SOX6: variants seen among roughly 807,000 people sequenced by gnomAD.
SOX6 encodes the protein transcription factor SOX-6.
Under a neutral mutation model 97.8 loss-of-function variants are expected in SOX6, and 11 were observed. The observed-to-expected ratio is 0.11, with a 90% CI of 0.07 to 0.19. SOX6 has a LOEUF of 0.19. Ranked by LOEUF, SOX6 falls within the 10% of genes least tolerant of loss-of-function variation. The pLI is 1.00. For missense variants in SOX6, 810 were observed against 1,039.5 expected, an observed-to-expected ratio of 0.78 and a Z score of 3.04; for synonymous variants, 360 against 371.4, an observed-to-expected ratio of 0.97 and a Z score of 0.35.
chr11:16,541,971 C>G (rs574265587), intron 4 of SOX6, among the ~76,000 whole-genome samples: 1 of 152,244 alleles, frequency 6.6e-6, no homozygotes, highest in Admixed American at 6.5e-5. Flanking sequence ...TGGGTATATA[C>G]CCAAAGGATT....
chr11:16,192,282 C>A (rs1240836915), intron 4 of SOX6, among the ~76,000 whole-genome samples: 2 of 152,108 alleles, frequency 1.3e-5, no homozygotes, highest in African/African-American at 2.4e-5. Flanking sequence ...ATTTTATTAA[C>A]CTTTGGCTCT....
At chr11:16,486,113 T>C (rs549987271) in intron 4 of SOX6, among the ~76,000 whole-genome samples, 1 of 151,942 alleles carries the variant, frequency 6.6e-6, no homozygotes, top group East Asian at 1.9e-4. Context: ...CCAAAAACTA[T>C]TTACAGAATT....
At chr11:16,176,993 T>C (rs1280324186) in intron 6 of SOX6, among the ~76,000 whole-genome samples, 2 of 151,890 alleles carry the variant, frequency 1.3e-5, no homozygotes, top group Non-Finnish European at 2.9e-5. Context: ...TTATATATCA[T>C]AGATCAGCAA....
At chr11:16,502,291 A>G (rs1860720588) in intron 4 of SOX6, among the ~76,000 whole-genome samples, 1 of 152,188 alleles carries the variant, frequency 6.6e-6, no homozygotes, top group African/African-American at 2.4e-5. Context: ...GAAGTGGAAC[A>G]TCACACACTG....
At chr11:15,993,854 C>G (rs1854135330) in intron 13 of SOX6, among the ~76,000 whole-genome samples, 1 of 152,184 alleles carries the variant, frequency 6.6e-6, no homozygotes, top group Non-Finnish European at 1.5e-5. Context: ...GTTTCACCAT[C>G]ATAGCCTCTG....
intron 4 of SOX6, among the ~76,000 whole-genome samples, chr11:16,503,633 G>T (rs571472160): frequency 6.6e-6 from 1 of 152,270 alleles, no homozygotes; most frequent in East Asian, 1.9e-4. Flanking sequence ...AAGTCAGCAG[G>T]AGTAGCTATA....
At chr11:16,190,511 G>A (rs1175279654) in intron 4 of SOX6, among the ~76,000 whole-genome samples, 1 of 152,176 alleles carries the variant, frequency 6.6e-6, no homozygotes, top group Non-Finnish European at 1.5e-5. Context: ...GTAATCCACA[G>A]ATGATATGAA....
intron 1 of SOX6, among the ~76,000 whole-genome samples, chr11:16,351,780 G>T (rs1209132416): frequency 6.6e-6 from 1 of 152,020 alleles, no homozygotes; most frequent in Non-Finnish European, 1.5e-5. Context: ...AGATCTGTGA[G>T]AAATTACTTT....
upstream of SOX6, among the ~76,000 whole-genome samples, chr11:16,361,357 T>TA (rs1228811804): frequency 2.6e-5 from 4 of 151,860 alleles, no homozygotes; most frequent in African/African-American, 7.3e-5. Flanking sequence ...TCTCACGTCT[T>TA]AAAAAAAATT....
At chr11:16,149,270 G>T (rs1429338428) in intron 6 of SOX6, among the ~76,000 whole-genome samples, 3 of 152,050 alleles carry the variant, frequency 2.0e-5, no homozygotes, top group African/African-American at 7.2e-5. Flanking sequence ...GTTATTTGCT[G>T]ATTTTCCTAG....
At chr11:16,704,427 A>G (rs1336832958) in intron 3 of SOX6, among the ~76,000 whole-genome samples, 1 of 152,214 alleles carries the variant, frequency 6.6e-6, no homozygotes, top group African/African-American at 2.4e-5. Context: ...ATTAAAAAAA[A>G]AAGTATGTAA....
At chr11:16,518,216 A>G (rs1861004114) in intron 4 of SOX6, among the ~76,000 whole-genome samples, 2 of 152,140 alleles carry the variant, frequency 1.3e-5, no homozygotes, top group Admixed American at 6.6e-5. Flanking sequence ...GCCAAATAAG[A>G]TTGTTCACTG....
intron 7 of SOX6, among the ~76,000 whole-genome samples, chr11:16,103,262 A>G (rs1035640016): frequency 6.6e-6 from 1 of 152,014 alleles, no homozygotes; most frequent in African/African-American, 2.4e-5. Flanking sequence ...GCCAATGATC[A>G]TATAAAAAAA....
intron 6 of SOX6, among the ~76,000 whole-genome samples, chr11:16,140,520 G>C (rs980521265): frequency 6.6e-6 from 1 of 152,072 alleles, no homozygotes; most frequent in African/African-American, 2.4e-5. Context: ...GTCAAATGGT[G>C]ATAAAATCCA....
chr11:16,662,900 C>T (rs915406571), intron 3 of SOX6, among the ~76,000 whole-genome samples: 4 of 152,086 alleles, frequency 2.6e-5, no homozygotes, highest in African/African-American at 9.7e-5. Context: ...CTATGTTTCC[C>T]AGGCTGCTTG....
chr11:16,512,783 T>G (rs1041164891), intron 4 of SOX6, among the ~76,000 whole-genome samples: 14 of 152,170 alleles, frequency 9.2e-5, no homozygotes, highest in Non-Finnish European at 1.9e-4. Context: ...TGCTTGATCA[T>G]GAATGTAAAA....
intron 1 of SOX6, among the ~76,000 whole-genome samples, chr11:16,429,703 G>C (rs1329464826): frequency 6.6e-6 from 1 of 151,900 alleles, no homozygotes; most frequent in Admixed American, 6.6e-5. Context: ...GAAGGGAGAG[G>C]ATCAGGAAAA....
At chr11:16,119,628 G>C (rs1849439645) in intron 6 of SOX6, among the ~76,000 whole-genome samples, 1 of 152,148 alleles carries the variant, frequency 6.6e-6, no homozygotes, top group African/African-American at 2.4e-5. Context: ...TAAGTATTTT[G>C]TATTAACTGA....
At position 16,674,954 on chromosome 11, in the gene SOX6, C is replaced by CTAAA. The variant is rs549708841; in HGVS notation, n.429+39872_429+39875dup. Among the ~76,000 whole-genome samples, 1,203 of 152,108 alleles carry CTAAA rather than the reference C, an allele frequency of 7.9e-3. 18 individuals are homozygous for CTAAA. Among genetic ancestry groups the CTAAA allele is most frequent in the African/African-American group, 0.026 (1,092 of 41,476 alleles). On this transcript the variant is annotated intron_variant and non_coding_transcript_variant, in intron 3 of 5. Transcript: ENST00000524520. ...CCTGGGTGACAGGGTGAGACTCTGT[C>CTAAA]TAAATAAATAAATAAATAGCATCCA...
Sources: allele counts gnomAD v4.1 joint callset (sites outside exome capture counted in the v4.1 genomes callset), GRCh38; gene constraint gnomAD v4.1.1; transcripts MANE v1.5; gene names NCBI Gene and HGNC (gene_info 2026-07-23, HGNC 2026-07-21).